SLC16A10: variants seen among roughly 807,000 people sequenced by gnomAD.
SLC16A10 encodes solute carrier family 16 member 10.
In SLC16A10, 27 loss-of-function variants were observed where a neutral mutation model predicts 40.0. The ratio of observed to expected loss-of-function variants is 0.67; its 90% CI spans 0.50 to 0.93. The LOEUF (loss-of-function observed/expected upper bound fraction) is 0.93. Ranked by LOEUF, SLC16A10 falls within the 40% of genes least tolerant of loss-of-function variation. SLC16A10 has a pLI of 0.00. For synonymous variants in SLC16A10, 213 were observed against 249.8 expected (o/e 0.85, Z 1.39); for missense variants, 529 against 658.2 (o/e 0.80, Z 2.15).
intron 1 of SLC16A10, among the ~76,000 whole-genome samples, chr6:111,117,142 A>G (rs1044939095): frequency 2.8e-4 from 43 of 152,000 alleles, no homozygotes; most frequent in Non-Finnish European, 1.5e-4. Context: ...CGAGGTCAGG[A>G]GATCGAGACC....
chr6:111,096,328 T>TA (rs1380180429), intron 1 of SLC16A10, among the ~76,000 whole-genome samples: 1 of 152,212 alleles, frequency 6.6e-6, no homozygotes, highest in African/African-American at 2.4e-5. Flanking sequence ...AAGCAAACCT[T>TA]AACAAAAACA....
intron 1 of SLC16A10, among the ~76,000 whole-genome samples, chr6:111,142,971 G>T (rs1013490681): frequency 6.6e-6 from 1 of 152,204 alleles, no homozygotes; most frequent in African/African-American, 2.4e-5. Flanking sequence ...CAACCAAGAT[G>T]TCCTTCAATA....
intron 1 of SLC16A10, among the ~76,000 whole-genome samples, chr6:111,089,946 T>TGAGA (rs1237400493): frequency 5.6e-5 from 7 of 124,640 alleles, no homozygotes; most frequent in African/African-American, 1.9e-4. Context: ...TTTTTTTTTT[T>TGAGA]GAGAGAGAGA....
intron 3 of SLC16A10, among the ~76,000 whole-genome samples, chr6:111,199,826 T>TGA (rs376943651): frequency 8.0e-6 from 1 of 124,468 alleles, no homozygotes; most frequent in Admixed American, 7.5e-5. Flanking sequence ...CCAGGGAAAT[T>TGA]TAAAAAAAAA....
rs546708504 is a variant in SLC16A10, at chr6:111,094,400, A to G, written c.343+6305A>G. Among the ~76,000 whole-genome samples the G allele has an allele frequency of 3.3e-4, 50 of 152,198 alleles. 1 individual carries two copies. Among genetic ancestry groups the G allele is most frequent in the Non-Finnish European group, 6.6e-4 (45 of 68,038 alleles). On this transcript the variant is annotated intron_variant, in intron 1 of 5. Coordinates refer to ENST00000368851, the MANE Select transcript of SLC16A10 (RefSeq NM_018593.5). ...ACCATACAACCTTCCCTTACTACCAAAAATGACAGCCCATTTGTCGGCATT... is the reference window on the plus strand; with the variant it reads ...ACCATACAACCTTCCCTTACTACCAGAAATGACAGCCCATTTGTCGGCATT...
At chr6:111,114,453 G>A (rs1384517996) in intron 1 of SLC16A10, among the ~76,000 whole-genome samples, 1 of 152,150 alleles carries the variant, frequency 6.6e-6, no homozygotes, top group East Asian at 1.9e-4. Context: ...GGGGAAAATT[G>A]CCACTTAAAT....
chr6:111,153,467 G>A (rs1772209612), intron 1 of SLC16A10, among the ~76,000 whole-genome samples: 1 of 152,042 alleles, frequency 6.6e-6, no homozygotes. Flanking sequence ...CCTGGGAGGT[G>A]AAGGTTGCAG....
At chr6:111,113,229 T>C (rs1771421694) in intron 1 of SLC16A10, among the ~76,000 whole-genome samples, 2 of 152,158 alleles carry the variant, frequency 1.3e-5, no homozygotes, top group Non-Finnish European at 2.9e-5. Context: ...TTTTTTCAAC[T>C]GGCTTATGGT....
intron 1 of SLC16A10, among the ~76,000 whole-genome samples, chr6:111,124,616 G>A (rs1459105094): frequency 6.6e-6 from 1 of 152,172 alleles, no homozygotes; most frequent in Non-Finnish European, 1.5e-5. Flanking sequence ...GCCCGCCTTG[G>A]CCTTCCAAAG....
At position 111,222,760 on chromosome 6, in the gene SLC16A10, G is replaced by A. The variant is rs1430902508; in HGVS notation, c.*525G>A. 7 of 155,344 alleles carry A rather than the reference G, an allele frequency of 4.5e-5. No homozygotes were observed. The Admixed American group carries it at 4.6e-4, about 10-fold the overall frequency. The allele number at this position is 155,344 out of a possible 1,614,324, so 9.6% of individuals were successfully genotyped here. A position where few individuals can be genotyped will look rare whatever the true frequency, so the allele number is the denominator to read the frequency against. ...AAGTTGCTTTCCTGCTGTTAAATAA[G>A]CTATGATATTAAGATATTCTGACTT... On this transcript the variant is annotated 3_prime_UTR_variant, in exon 6 of 6. Transcript: ENST00000368851.
intron 3 of SLC16A10, among the ~76,000 whole-genome samples, chr6:111,205,838 T>A (rs1018910982): frequency 2.0e-5 from 3 of 152,214 alleles, no homozygotes; most frequent in African/African-American, 7.2e-5. Context: ...TTATTCTGGA[T>A]GCTCTGTTAT....
intron 1 of SLC16A10, among the ~76,000 whole-genome samples, chr6:111,107,490 G>A (rs1325105246): frequency 1.3e-5 from 2 of 152,176 alleles, no homozygotes; most frequent in Admixed American, 6.5e-5. Flanking sequence ...AAGAAGGGAC[G>A]AGATGATGTT....
At chr6:111,218,785 C>T (rs750954511) in intron 4 of SLC16A10, 29 bp from the exon 5 acceptor site, 16 of 1,584,978 alleles carry the variant, frequency 1.0e-5, no homozygotes, top group East Asian at 2.2e-5. Context: ...TTCCTGCGAG[C>T]GGAGCTGACC....
intron 1 of SLC16A10, among the ~76,000 whole-genome samples, chr6:111,134,986 G>A (rs1191239566): frequency 1.3e-5 from 2 of 152,128 alleles, no homozygotes; most frequent in Non-Finnish European, 2.9e-5. Context: ...CTCCATATCT[G>A]TCACTATCCC....
intron 4 of SLC16A10, among the ~76,000 whole-genome samples, chr6:111,207,018 A>T (rs12197525): frequency 0.1 from 15,459 of 152,074 alleles, 1,037 homozygotes; most frequent in Middle Eastern, 0.18. Flanking sequence ...TTTAGTAGAG[A>T]TGGGGTTTCT....
chr6:111,164,282 T>G (rs1772431202), intron 1 of SLC16A10, among the ~76,000 whole-genome samples: 1 of 151,722 alleles, frequency 6.6e-6, no homozygotes. Flanking sequence ...TAAATCTGTT[T>G]TCAGTAGTCT....
intron 3 of SLC16A10, among the ~76,000 whole-genome samples, chr6:111,192,469 C>T (rs1368954201): frequency 6.6e-6 from 1 of 152,086 alleles, no homozygotes; most frequent in Non-Finnish European, 1.5e-5. Context: ...CAAACTTTCC[C>T]ACATTTTCCT....
At chr6:111,192,200 G>A (rs1040904932) in intron 3 of SLC16A10, among the ~76,000 whole-genome samples, 5 of 152,042 alleles carry the variant, frequency 3.3e-5, no homozygotes, top group African/African-American at 1.2e-4. Flanking sequence ...GCTTCCTCTT[G>A]AACACTTTGC....
At chr6:111,212,682 A>G (rs1420339390) in intron 4 of SLC16A10, among the ~76,000 whole-genome samples, 4 of 152,062 alleles carry the variant, frequency 2.6e-5, no homozygotes, top group Admixed American at 1.3e-4. Flanking sequence ...AGTCCCAGCT[A>G]CTTGGGAGAT....
Sources: allele counts gnomAD v4.1 joint callset (sites outside exome capture counted in the v4.1 genomes callset), GRCh38; gene constraint gnomAD v4.1.1; transcripts MANE v1.5; gene names NCBI Gene and HGNC (gene_info 2026-07-23, HGNC 2026-07-21).